The following CNTN4 variants were observed in gnomAD, a reference collection of about 807,000 sequenced individuals.
CNTN4 encodes contactin-4.
Under a neutral mutation model 122.5 loss-of-function variants are expected in CNTN4, and 77 were observed. That is an observed-to-expected ratio of 0.63 (90% CI 0.52 to 0.76). The LOEUF is 0.76. Ranked by LOEUF, CNTN4 falls within the 30% of genes least tolerant of loss-of-function variation. The pLI is 0.00. For missense variants in CNTN4, 1,256 were observed against 1,259.1 expected (o/e 1.00, Z 0.04); for synonymous variants, 512 against 447.0 (o/e 1.15, Z -1.83).
At chr3:2,738,268 A>G (rs767520959) in intron 5 of CNTN4, among the ~76,000 whole-genome samples, 6 of 152,252 alleles carry the variant, frequency 3.9e-5, no homozygotes, top group Non-Finnish European at 8.8e-5. Context: ...TACAGATGAC[A>G]TTCAAAGAGA....
At chr3:2,988,800 G>T in intron 14 of CNTN4, 2 of 298,336 alleles carry the variant, frequency 6.7e-6, no homozygotes, top group South Asian at 3.8e-5. Flanking sequence ...TTCATGTCTA[G>T]GAACACTATT....
intron 4 of CNTN4, among the ~76,000 whole-genome samples, chr3:2,706,964 T>C (rs2086778045): frequency 6.6e-6 from 1 of 151,768 alleles, no homozygotes; most frequent in Admixed American, 6.6e-5. Flanking sequence ...GGGGAAGCAC[T>C]AGATTATGTG....
At chr3:2,173,219 C>G (rs2036593869) in intron 2 of CNTN4, among the ~76,000 whole-genome samples, 1 of 152,164 alleles carries the variant, frequency 6.6e-6, no homozygotes, top group Non-Finnish European at 1.5e-5. Flanking sequence ...ACACAGTGAT[C>G]AACTGAGCAA....
rs1282036469 is a variant in CNTN4 at position 3,040,117 on chromosome 3, G to T, written c.2244G>T (p.Met748Ile). The T allele has an allele frequency of 6.2e-7, 1 of 1,614,196 alleles. No individual in the cohort carries two copies. Among genetic ancestry groups the T allele is most frequent in the Non-Finnish European group, 8.5e-7 (1 of 1,179,996 alleles). ...AFRPYGKMIW[M>I]LTVLASADAS... ...GGCCCTACGGTAAAATGATCTGGAT[G>T]CTGACAGTGCTGGCCTCAGCTGATG... The change falls in exon 20 of 25, where the codon ATG becomes ATT. Residue 748 changes from methionine (M) to isoleucine (I), a missense_variant. By Grantham distance (10) the Met-to-Ile change is conservative. Coordinates refer to ENST00000418658, the MANE Select transcript of CNTN4 (RefSeq NM_175607.3).
At chr3:2,933,131 A>G (rs2094539302) in intron 13 of CNTN4, among the ~76,000 whole-genome samples, 1 of 152,120 alleles carries the variant, frequency 6.6e-6, no homozygotes, top group African/African-American at 2.4e-5. Context: ...CCAGATGGTT[A>G]CATTTTTATG....
intron 2 of CNTN4, among the ~76,000 whole-genome samples, chr3:2,255,268 G>T (rs185395859): frequency 1.3e-5 from 2 of 151,344 alleles, no homozygotes; most frequent in African/African-American, 4.8e-5. Context: ...TACCAGTACC[G>T]TGCTGGATTT....
At chr3:2,170,968 A>G (rs1261716230) in intron 2 of CNTN4, among the ~76,000 whole-genome samples, 1 of 152,228 alleles carries the variant, frequency 6.6e-6, no homozygotes, top group East Asian at 1.9e-4. Context: ...CTGAAACTTA[A>G]ATATAGAAAT....
At chr3:2,594,756 C>T (rs1305919910) in intron 4 of CNTN4, among the ~76,000 whole-genome samples, 1 of 146,604 alleles carries the variant, frequency 6.8e-6, no homozygotes, top group Non-Finnish European at 1.5e-5. Context: ...CACATTAGAT[C>T]AGAAGAAATG....
At chr3:2,143,641 G>A (rs1196539966) in intron 2 of CNTN4, among the ~76,000 whole-genome samples, 2 of 152,158 alleles carry the variant, frequency 1.3e-5, no homozygotes, top group Non-Finnish European at 1.5e-5. Context: ...TTAAATGCAT[G>A]TTGTGTGCTA....
intron 4 of CNTN4, among the ~76,000 whole-genome samples, chr3:2,720,525 T>C (rs1173072462): frequency 6.6e-6 from 1 of 152,176 alleles, no homozygotes; most frequent in Non-Finnish European, 1.5e-5. Context: ...AAAGATGTGC[T>C]TGCTCACTTT....
In CNTN4 at chr3:2,902,997, G is replaced by T. The variant is rs1367354918; in HGVS notation, c.1199G>T (p.Ser400Ile). Reference protein sequence around the residue: ...HGVIFSNAELSVIAVGPDFSR... With the variant: ...HGVIFSNAELIVIAVGPDFSR... ...GTTATCTTTTCCAACGCAGAGCTTAGTGTTATAGGTGAGTCTTTATACTGG... is the reference window on the plus strand; with the variant it reads ...GTTATCTTTTCCAACGCAGAGCTTATTGTTATAGGTGAGTCTTTATACTGG... Residue 400 changes from serine to isoleucine, a missense_variant, in exon 12 of 25, where the codon AGT becomes ATT. Coordinates refer to ENST00000418658, the MANE Select transcript of CNTN4 (RefSeq NM_175607.3). 1 of 1,613,500 alleles carries T rather than the reference G, an allele frequency of 6.2e-7. No individual in the cohort carries two copies. The highest frequency in any genetic ancestry group is 8.5e-7 in the Non-Finnish European group (1 of 1,179,782).
intron 13 of CNTN4, among the ~76,000 whole-genome samples, chr3:2,952,331 G>A (rs1359691771): frequency 6.6e-6 from 1 of 152,264 alleles, no homozygotes; most frequent in East Asian, 1.9e-4. Flanking sequence ...TAGATTTGGG[G>A]AATGGCATCA....
chr3:2,254,149 CT>C (rs2040486511), intron 2 of CNTN4, among the ~76,000 whole-genome samples: 1 of 144,620 alleles, frequency 6.9e-6, no homozygotes, highest in African/African-American at 2.6e-5. Context: ...GTTGGGTTTT[CT>C]GTTCCTGTTT....
intron 6 of CNTN4, among the ~76,000 whole-genome samples, chr3:2,780,286 T>G (rs569065072): frequency 4.4e-4 from 67 of 152,358 alleles, no homozygotes; most frequent in African/African-American, 1.6e-3. Context: ...ATTTAGTGTT[T>G]GACTGCATGG....
chr3:2,118,643 T>C (rs913266554), intron 2 of CNTN4, among the ~76,000 whole-genome samples: 3 of 152,238 alleles, frequency 2.0e-5, no homozygotes, highest in Non-Finnish European at 4.4e-5. Context: ...TTCCTACCGA[T>C]AGGCTTCCAA....
At chr3:2,736,396 C>T (rs1430037632) in intron 5 of CNTN4, 55 bp downstream of exon 5, 4 of 1,454,346 alleles carry the variant, frequency 2.8e-6, no homozygotes, top group Non-Finnish European at 3.8e-6. Flanking sequence ...TTATTAAAAT[C>T]AACAAATACT....
intron 12 of CNTN4, 84 bp downstream of exon 12, chr3:2,903,089 C>G: frequency 7.1e-7 from 1 of 1,402,600 alleles, no homozygotes; most frequent in Middle Eastern, 1.9e-4. Context: ...CATAAATGTT[C>G]AATCCAAGAA....
intron 12 of CNTN4, among the ~76,000 whole-genome samples, chr3:2,914,283 A>G (rs2094331614): frequency 6.6e-6 from 1 of 152,180 alleles, no homozygotes; most frequent in African/African-American, 2.4e-5. Flanking sequence ...AATCAGTAGA[A>G]GTAATAGAAT....
At chr3:2,391,991 A>G (rs1034290949) in intron 3 of CNTN4, among the ~76,000 whole-genome samples, 3 of 152,118 alleles carry the variant, frequency 2.0e-5, no homozygotes, top group Non-Finnish European at 4.4e-5. Flanking sequence ...ATTTCATTCA[A>G]TATGTTAGAA....
Sources: allele counts gnomAD v4.1 joint callset (sites outside exome capture counted in the v4.1 genomes callset), GRCh38; gene constraint gnomAD v4.1.1; transcripts MANE v1.5; gene names NCBI Gene and HGNC (gene_info 2026-07-23, HGNC 2026-07-21).